The following BMP1 variants were observed in gnomAD, a reference collection of about 807,000 sequenced individuals.
BMP1 encodes the protein bone morphogenetic protein 1.
BMP1 carries 63 observed loss-of-function variants against 116.8 expected under a neutral mutation model. That is an observed-to-expected ratio of 0.54 (90% confidence interval 0.44 to 0.67). BMP1 has a LOEUF of 0.67. Ranked by LOEUF, BMP1 falls within the 30% of genes least tolerant of loss-of-function variation. The pLI is 0.00. For missense variants in BMP1, 1,183 were observed against 1,358.9 expected, an observed-to-expected ratio of 0.87 and a Z score of 2.04; for synonymous variants, 536 against 533.4, an observed-to-expected ratio of 1.00 and a Z score of -0.07.
At position 22,194,610 on chromosome 8, in the gene BMP1, A is replaced by T. The variant is rs753924825; in HGVS notation, c.1443+20A>T. ...TTTGAGGTAGGTCAGTGGCCCTGTG[A>T]TCTGACCTTTGAATCCAGCAGTTGC... On this transcript the variant is annotated intron_variant, in intron 11 of 19. Transcript: ENST00000306385. This position sits in a 1 kb window ranked among gnomAD's most constrained non-coding sequence, Gnocchi z 4.5. The T allele has an allele frequency of 3.7e-6, 6 of 1,612,646 alleles. No individual in the cohort carries two copies. Among genetic ancestry groups the T allele is most frequent in the Non-Finnish European group, 5.1e-6 (6 of 1,179,056 alleles).
At chr8:22,199,301 G>C in intron 15 of BMP1, 1 of 1,365,624 alleles carries the variant, frequency 7.3e-7, no homozygotes, top group South Asian at 1.1e-5. Flanking sequence ...ACCCACCGAG[G>C]AGACCCTAAG....
chr8:22,172,149 C>A (rs184951430), intron 1 of BMP1, among the ~76,000 whole-genome samples: 1 of 152,220 alleles, frequency 6.6e-6, no homozygotes, highest in South Asian at 2.1e-4. Context: ...TTGTGTAACG[C>A]GACCGCCAGG....
At chr8:22,189,946 A>G (rs147846042) in intron 8 of BMP1, among the ~76,000 whole-genome samples, 1,592 of 152,158 alleles carry the variant, frequency 0.01, 32 homozygotes, top group African/African-American at 0.035. Context: ...TTCGAGACAG[A>G]GTCTTCCTCT....
chr8:22,211,922 C>A lies in BMP1; in HGVS notation c.*194C>A. Reference sequence around the variant, plus strand: ...GGCATAAGCCACTTCCCCACAAACCCCCACCAGCAAGGGGCTGGGGCCAGG... The same window carrying A: ...GGCATAAGCCACTTCCCCACAAACCACCACCAGCAAGGGGCTGGGGCCAGG... On this transcript the variant is annotated 3_prime_UTR_variant, in exon 20 of 20. Transcript: ENST00000306385. 1 of 778,556 alleles carries A rather than the reference C, an allele frequency of 1.3e-6. No homozygotes were observed. Among genetic ancestry groups the A allele is most frequent in the Non-Finnish European group, 2.0e-6 (1 of 500,374 alleles). The allele number at this position is 778,556 out of a possible 1,614,324, so 48.2% of individuals were successfully genotyped here. A position where few individuals can be genotyped will look rare whatever the true frequency, so the allele number is the denominator to read the frequency against.
chr8:22,166,357 G>A (rs889891878), intron 1 of BMP1, among the ~76,000 whole-genome samples: 2 of 150,622 alleles, frequency 1.3e-5, no homozygotes, highest in South Asian at 4.2e-4. Flanking sequence ...TCAGGACCCC[G>A]GAGTGTGTGT....
chr8:22,203,696 GA>G (rs764796535), intron 16 of BMP1, among the ~76,000 whole-genome samples: 7 of 152,186 alleles, frequency 4.6e-5, no homozygotes, highest in Non-Finnish European at 8.8e-5. Context: ...TTAAACAGAT[GA>G]GCTGCTCACA....
At chr8:22,190,549 C>T (rs1459907531) in intron 8 of BMP1, among the ~76,000 whole-genome samples, 1 of 152,154 alleles carries the variant, frequency 6.6e-6, no homozygotes, top group Non-Finnish European at 1.5e-5. Context: ...GCCTGCACGG[C>T]GTGACGTGTT....
chr8:22,171,243 C>T (rs1392700295), intron 1 of BMP1: 2 of 152,174 alleles, frequency 1.3e-5, no homozygotes, highest in Non-Finnish European at 2.9e-5. Context: ...CCTTCATAGG[C>T]TCAAGTGTTC....
chr8:22,168,825 G>A (rs1210703885), intron 1 of BMP1, among the ~76,000 whole-genome samples: 1 of 152,098 alleles, frequency 6.6e-6, no homozygotes, highest in Non-Finnish European at 1.5e-5. Flanking sequence ...CTCTCCCTGG[G>A]CCCTACATGG....
intron 16 of BMP1, among the ~76,000 whole-genome samples, chr8:22,205,171 G>C (rs895865247): frequency 1.2e-4 from 19 of 152,178 alleles, no homozygotes; most frequent in African/African-American, 4.6e-4. Context: ...AGGTAGGAGA[G>C]AGGTGGTCTG....
chr8:22,170,578 G>A (rs1828248844), intron 1 of BMP1: 1 of 152,186 alleles, frequency 6.6e-6, no homozygotes, highest in African/African-American at 2.4e-5. Flanking sequence ...CCAAAGGTGA[G>A]TCTAAATGTC....
At chr8:22,197,121 T>C in intron 14 of BMP1, 119 bp from the exon 15 acceptor site, 1 of 1,318,458 alleles carries the variant, frequency 7.6e-7, no homozygotes, top group Non-Finnish European at 1.0e-6. Flanking sequence ...GAGGATCCAG[T>C]GAGGGGGCGT....
At position 22,201,127 on chromosome 8, in the gene BMP1, C is replaced by T. The variant is rs1368474834; in HGVS notation, c.2108-676C>T. The T allele has an allele frequency of 5.0e-6, 8 of 1,613,540 alleles. No homozygotes were observed. In the South Asian group the frequency reaches 8.8e-5, roughly 18 times the overall value. On this transcript the variant is annotated intron_variant, in intron 15 of 19. Coordinates refer to ENST00000306385, the MANE Select transcript of BMP1 (RefSeq NM_006129.5). ...CTCTCTCTCGTTTCAGAAAAGAGGC[C>T]AGCTCTGCAGCCCCCTCGGGGACGC...
intron 5 of BMP1, chr8:22,177,498 T>TC (rs1262973008): frequency 1.6e-5 from 11 of 708,096 alleles, no homozygotes; most frequent in Non-Finnish European, 2.4e-5. Flanking sequence ...TGGTCTGCCC[T>TC]CCGAGGGCTT....
intron 2 of BMP1, 128 bp downstream of exon 2, chr8:22,173,843 G>C (rs1339806701): frequency 1.7e-6 from 1 of 595,856 alleles, no homozygotes; most frequent in Non-Finnish European, 2.9e-6. Flanking sequence ...CCAGCACATG[G>C]GTCTATCTTC....
chr8:22,197,381 A>C lies in BMP1; in HGVS notation c.2068A>C (p.Thr690Pro). The C allele has an allele frequency of 5.0e-6, 8 of 1,612,618 alleles. No individual in the cohort carries two copies. Among genetic ancestry groups the C allele is most frequent in the Non-Finnish European group, 5.1e-6 (6 of 1,178,750 alleles). ...GCGCGTGGAGTTCAAGTCCGACAAC[A>C]CCGTGTCCAAAAAGGGCTTCAAGGC... ...NMRVEFKSDN[T>P]VSKKGFKAHF... is the part of the protein sequence containing the mutation. The change falls in exon 15 of 20, where the codon ACC (threonine) becomes CCC (proline). Residue 690 changes from threonine (T) to proline (P), a missense_variant. Physicochemically the swap from Thr to Pro is conservative, Grantham distance 38 (BLOSUM62 -1). Around this residue, in one of 4 missense-constraint regions of BMP1, gnomAD observed 956 missense variants for 1,135.2 expected, o/e 0.84. Coordinates refer to ENST00000306385, the MANE Select transcript of BMP1 (RefSeq NM_006129.5).
intron 15 of BMP1, 160 bp from the exon 16 acceptor site, chr8:22,201,643 T>G (rs1829265445): frequency 7.3e-7 from 1 of 1,375,738 alleles, no homozygotes; most frequent in Non-Finnish European, 9.7e-7. Flanking sequence ...GACCCCCTTG[T>G]CGCCTGGCCT....
rs1404554219 is a variant in BMP1 at position 22,195,346 on chromosome 8, G to T, written c.1640-116G>T. ...GTGCTCTGAAGGAAGGCTCTGTGGGGTTCCAGCCATCGGGGAGCTGGGTGG... is the reference window on the plus strand; with the variant it reads ...GTGCTCTGAAGGAAGGCTCTGTGGGTTTCCAGCCATCGGGGAGCTGGGTGG... On this transcript the variant is annotated intron_variant, in intron 12 of 19. Transcript: ENST00000306385. 6.7e-6 allele frequency: 9 copies of T among 1,343,168 alleles called. No homozygotes were observed. The South Asian group carries it at 7.3e-5, about 11-fold the overall frequency. 83.2% of individuals were successfully genotyped at this position (1,343,168 alleles called of 1,614,324 possible). A position where few individuals can be genotyped will look rare whatever the true frequency, so the allele number is the denominator to read the frequency against.
At chr8:22,211,030 C>T (rs1449006739) in intron 19 of BMP1, among the ~76,000 whole-genome samples, 1 of 152,236 alleles carries the variant, frequency 6.6e-6, no homozygotes, top group Non-Finnish European at 1.5e-5. Flanking sequence ...GGGAGCAGAC[C>T]TTGGCCAGGT....
Sources: gnomAD v4.1 joint callset for allele counts (sites outside exome capture counted in the v4.1 genomes callset) on GRCh38, gnomAD v4.1.1 for gene constraint, gnomAD v4.1.1 regional missense constraint, Gnocchi (gnomAD v3.1) non-coding constraint, MANE v1.5 for transcripts, NCBI Gene and HGNC (gene_info 2026-07-23, HGNC 2026-07-21) for gene names.